The following GRAMD1B variants were observed in gnomAD, a reference collection of about 807,000 sequenced individuals.
The protein encoded by GRAMD1B is GRAM domain containing 1B.
GRAMD1B carries 37 observed loss-of-function variants against 99.7 expected under a neutral mutation model. That is an observed-to-expected ratio of 0.37 (90% CI 0.29 to 0.49). The LOEUF (loss-of-function observed/expected upper bound fraction) is 0.49, where lower values mean the gene tolerates loss of function less well. GRAMD1B is among the 20% of genes least tolerant of loss of function. The probability of loss-of-function intolerance (pLI) is 0.98; values close to 1 mark genes in which losing one functional copy is unlikely to be tolerated. For synonymous variants in GRAMD1B, 427 were observed against 387.6 expected, an observed-to-expected ratio of 1.10 and a Z score of -1.19; for missense variants, 888 against 1,009.2, an observed-to-expected ratio of 0.88 and a Z score of 1.63.
At chr11:123,584,046 C>A (rs1361020253) in intron 3 of GRAMD1B, among the ~76,000 whole-genome samples, 1 of 152,074 alleles carries the variant, frequency 6.6e-6, no homozygotes, top group Non-Finnish European at 1.5e-5. Flanking sequence ...GGCTCCGACT[C>A]CCTTCCGGTT....
rs182934152 is a variant in GRAMD1B at position 123,562,494 on chromosome 11, C to T, written c.453-14873C>T. On this transcript the variant is annotated intron_variant, in intron 2 of 19. Transcript: ENST00000635736. ...CAGTCGTGGACAATTTATGAACGAA[C>T]GAGCATGGCTGTGTTCCCAATAAAA... Among the ~76,000 whole-genome samples the T allele has an allele frequency of 4.0e-3, 605 of 152,330 alleles. 2 individuals are homozygous for T. Among genetic ancestry groups the T allele is most frequent in the Admixed American group, 7.6e-3 (116 of 15,306 alleles).
chr11:123,422,083 A>G (rs760381837), intron 1 of GRAMD1B, among the ~76,000 whole-genome samples: 5 of 152,200 alleles, frequency 3.3e-5, no homozygotes, highest in Non-Finnish European at 7.3e-5. Flanking sequence ...ATTTCAGAGT[A>G]TTAAAATGCC....
chr11:123,426,108 G>A (rs1948638904), upstream of GRAMD1B, among the ~76,000 whole-genome samples: 2 of 152,196 alleles, frequency 1.3e-5, no homozygotes, highest in Admixed American at 6.5e-5. Flanking sequence ...CCAGTAACAG[G>A]TCAGCTCAAA....
intron 1 of GRAMD1B, among the ~76,000 whole-genome samples, chr11:123,396,951 ATTTTT>A (rs1164274044): frequency 6.6e-6 from 1 of 151,986 alleles, no homozygotes; most frequent in Non-Finnish European, 1.5e-5. Flanking sequence ...GCTGAGTACT[ATTTTT>A]TTTAACTCAA....
At chr11:123,461,188 T>G (rs908887229) in intron 1 of GRAMD1B, among the ~76,000 whole-genome samples, 13 of 152,188 alleles carry the variant, frequency 8.5e-5, no homozygotes, top group African/African-American at 3.1e-4. Context: ...CTGGGCTGCT[T>G]CTAAAATGTT....
intron 1 of GRAMD1B, among the ~76,000 whole-genome samples, chr11:123,461,305 C>T (rs145607044): frequency 6.6e-6 from 1 of 152,304 alleles, no homozygotes; most frequent in East Asian, 1.9e-4. Flanking sequence ...GCCAAGCTGG[C>T]ACTGCTACCA....
intron 1 of GRAMD1B, among the ~76,000 whole-genome samples, chr11:123,420,209 C>T (rs1948381373): frequency 6.6e-6 from 1 of 152,176 alleles, no homozygotes; most frequent in African/African-American, 2.4e-5. Context: ...TTAGGCTCTG[C>T]AGTTTTCTCC....
intron 17 of GRAMD1B, 125 bp downstream of exon 17, chr11:123,614,960 C>G (rs1592289794): frequency 1.7e-6 from 1 of 572,288 alleles, no homozygotes; most frequent in Admixed American, 2.9e-5. Context: ...GCCTTATCCT[C>G]TAGTCTTCTC....
chr11:123,370,883 G>A (rs1946505194), intron 1 of GRAMD1B, among the ~76,000 whole-genome samples: 1 of 152,106 alleles, frequency 6.6e-6, no homozygotes, highest in Non-Finnish European at 1.5e-5. Context: ...GCGAGTTGGG[G>A]TCCTCTTTGG....
chr11:123,362,191 G>A (rs1340843903), intron 1 of GRAMD1B, among the ~76,000 whole-genome samples: 3 of 152,188 alleles, frequency 2.0e-5, no homozygotes, highest in Non-Finnish European at 4.4e-5. Flanking sequence ...TTGTTCATGA[G>A]CATCACAGGT....
intron 2 of GRAMD1B, chr11:123,560,551 G>T (rs1251439853): frequency 9.1e-7 from 1 of 1,100,058 alleles, no homozygotes; most frequent in African/African-American, 1.6e-5. Flanking sequence ...AGCCTCCTCA[G>T]GGCCCCCGCT....
At chr11:123,398,278 A>C (rs1175227441) in intron 1 of GRAMD1B, among the ~76,000 whole-genome samples, 9 of 152,232 alleles carry the variant, frequency 5.9e-5, no homozygotes, top group Non-Finnish European at 1.3e-4. Context: ...AGTTAACTTC[A>C]AGAAGGCACT....
At chr11:123,402,315 C>A (rs1209886158) in intron 1 of GRAMD1B, among the ~76,000 whole-genome samples, 1 of 152,196 alleles carries the variant, frequency 6.6e-6, no homozygotes, top group Non-Finnish European at 1.5e-5. Flanking sequence ...CCACGCCCGG[C>A]CAAGGACCAT....
chr11:123,569,439 G>A (rs546592346), intron 2 of GRAMD1B, among the ~76,000 whole-genome samples: 8 of 152,136 alleles, frequency 5.3e-5, no homozygotes, highest in South Asian at 2.1e-4. Flanking sequence ...CCCACCTGCC[G>A]TGACATGGGC....
intron 1 of GRAMD1B, among the ~76,000 whole-genome samples, chr11:123,372,813 C>T (rs1490639059): frequency 6.6e-6 from 1 of 152,174 alleles, no homozygotes. Flanking sequence ...ATATGTCACT[C>T]TCTGTTAACA....
Position 123,623,438 on chromosome 11 carries a change from G to A in GRAMD1B, c.*843G>A, listed in dbSNP as rs1477134317. Reference sequence around the variant, plus strand: ...GAGCACATTGTTTATTAGCCAGGGTGGAGCGTTTTCGACCTTATTAAACCT... The same window carrying A: ...GAGCACATTGTTTATTAGCCAGGGTAGAGCGTTTTCGACCTTATTAAACCT... On this transcript the variant is annotated 3_prime_UTR_variant, in exon 20 of 20. Coordinates refer to ENST00000635736, the MANE Select transcript of GRAMD1B (RefSeq NM_001387025.1). 1 of 152,192 alleles carries A rather than the reference G, an allele frequency of 6.6e-6. No homozygotes were observed. The highest frequency in any genetic ancestry group is 2.4e-5 in the African/African-American group (1 of 41,422). The allele number at this position is 152,192 out of a possible 1,614,324, so 9.4% of individuals were successfully genotyped here. A position where few individuals can be genotyped will look rare whatever the true frequency, so the allele number is the denominator to read the frequency against.
In GRAMD1B at chr11:123,589,614, T is replaced by TATATATATATATATATATATATA. The variant is rs1555089174; in HGVS notation, c.685-4468_685-4467insATATATATATATATATATATATA. Among the ~76,000 whole-genome samples, 20 of 128,262 alleles carry TATATATATATATATATATATATA rather than the reference T, an allele frequency of 1.6e-4. 1 individual carries two copies. Among genetic ancestry groups the TATATATATATATATATATATATA allele is most frequent in the African/African-American group, 5.6e-4 (16 of 28,536 alleles). The allele number at this position is 128,262 out of a possible 152,430, so 84.1% of individuals were successfully genotyped here. A position where few individuals can be genotyped will look rare whatever the true frequency, so the allele number is the denominator to read the frequency against. ...ACCTGCCACCATGTGTGGCTAATTT[T>TATATATATATATATATATATATA]TATATATATATATATATATATATTT... On this transcript the variant is annotated intron_variant, in intron 4 of 19. Transcript: ENST00000635736.
At chr11:123,526,058 A>C in intron 2 of GRAMD1B, 1 of 1,089,678 alleles carries the variant, frequency 9.2e-7, no homozygotes, top group South Asian at 1.3e-5. Flanking sequence ...TTCTTTTGGG[A>C]CTTCGTCATC....
intron 1 of GRAMD1B, among the ~76,000 whole-genome samples, chr11:123,403,363 G>T (rs538319161): frequency 1.3e-5 from 2 of 151,072 alleles, no homozygotes; most frequent in Non-Finnish European, 2.9e-5. Context: ...GGAGATGGAG[G>T]TTGCAGTGAG....
Sources: gnomAD v4.1 joint callset for allele counts (sites outside exome capture counted in the v4.1 genomes callset) on GRCh38, gnomAD v4.1.1 for gene constraint, MANE v1.5 for transcripts, NCBI Gene and HGNC (gene_info 2026-07-23, HGNC 2026-07-21) for gene names.